Variants in RIOX2 observed in about 807,000 individuals in gnomAD.
RIOX2 encodes 60S ribosomal protein L27a histidine hydroxylase.
In RIOX2, 43 loss-of-function variants were observed where a neutral mutation model predicts 51.2. That is an observed-to-expected ratio of 0.84 (90% CI 0.66 to 1.08). RIOX2 has a LOEUF of 1.08. Ranked by LOEUF, RIOX2 falls within the 50% of genes least tolerant of loss-of-function variation. The pLI is 0.00. For missense variants in RIOX2, 566 were observed against 561.7 expected, an observed-to-expected ratio of 1.01 and a Z score of -0.08; for synonymous variants, 226 against 218.5, an observed-to-expected ratio of 1.03 and a Z score of -0.30.
chr3:97,945,811 T>G lies in RIOX2; in HGVS notation c.1226A>C (p.Glu409Ala). The change falls in exon 9 of 10, where the codon GAG becomes GCG. Residue 409 changes from glutamate (E) to alanine (A), a missense_variant. Glu to Ala is a moderately radical substitution (Grantham distance 107, BLOSUM62 -1). Coordinates refer to ENST00000394198, the MANE Select transcript of RIOX2 (RefSeq NM_153182.4). ...GTTGAAACAAACCTCTGTTTCCTCC[T>G]CATTTCCCATCATGTGTGTCTCTCT... ...NSRETHMMGNEEETEFHGLRF... is the reference protein window; with the variant it reads ...NSRETHMMGNAEETEFHGLRF... 6.2e-7 allele frequency: 1 copy of G among 1,609,858 alleles called. No homozygotes were observed. The highest frequency in any genetic ancestry group is 8.5e-7 in the Non-Finnish European group (1 of 1,176,712).
Position 97,954,384 on chromosome 3 carries a change from G to A in RIOX2, c.785+8C>T, listed in dbSNP as rs1705377670. The A allele has an allele frequency of 1.9e-6, 3 of 1,598,940 alleles. No homozygotes were observed. Among genetic ancestry groups the A allele is most frequent in the Non-Finnish European group, 2.6e-6 (3 of 1,166,398 alleles). On this transcript the variant is annotated splice_region_variant and intron_variant, in intron 5 of 9. Transcript: ENST00000394198. ...TCCTAGCATGTGCAGCTGGGAGGCA[G>A]TGTTTACTTGTTCTGGTAGGTGCTG...
intron 9 of RIOX2, 80 bp from the exon 10 acceptor site, chr3:97,945,422 TC>T: frequency 1.6e-6 from 2 of 1,264,186 alleles, no homozygotes; most frequent in Non-Finnish European, 2.2e-6. Context: ...AAATTTATTC[TC>T]CATACATCAT....
At chr3:97,946,318 C>T (rs58871551) in intron 8 of RIOX2, among the ~76,000 whole-genome samples, 1 of 151,860 alleles carries the variant, frequency 6.6e-6, no homozygotes, top group Non-Finnish European at 1.5e-5. Flanking sequence ...ATCATGAAGT[C>T]ATTAACTCCT....
chr3:97,969,889 T>C (rs938853359), intron 1 of RIOX2, among the ~76,000 whole-genome samples: 1 of 152,216 alleles, frequency 6.6e-6, no homozygotes, highest in African/African-American at 2.4e-5. Flanking sequence ...CGAGTCCTCC[T>C]AGCAAATTGC....
At position 97,942,887 on chromosome 3, in the gene RIOX2, G is replaced by T. The variant is rs189906529; in HGVS notation, c.*2297C>A. On this transcript the variant is annotated 3_prime_UTR_variant, in exon 10 of 10. Transcript: ENST00000394198. The stretch of plus-strand genomic sequence containing the variant: ...TATTCATGGCTGTTGCTTTAATTGG[G>T]TTAGTCACAGTTTTGTTGGTGTAGA... 3.1e-5 allele frequency: 8 copies of T among 255,642 alleles called. No homozygotes were observed. The East Asian group carries it at 8.7e-4, about 28-fold the overall frequency. The allele number at this position is 255,642 out of a possible 1,614,324, so 15.8% of individuals were successfully genotyped here.
Position 97,967,651 on chromosome 3 carries a change from A to G in RIOX2, c.-39-19T>C. 2 of 1,478,034 alleles carry G rather than the reference A, an allele frequency of 1.4e-6. No individual in the cohort carries two copies. Among genetic ancestry groups the G allele is most frequent in the East Asian group, 2.3e-5 (1 of 43,990 alleles). 91.6% of individuals were successfully genotyped at this position (1,478,034 alleles called of 1,614,324 possible). A position where few individuals can be genotyped will look rare whatever the true frequency, so the allele number is the denominator to read the frequency against. On this transcript the variant is annotated intron_variant, in intron 1 of 9. Coordinates refer to ENST00000394198, the MANE Select transcript of RIOX2 (RefSeq NM_153182.4). ...TGCAAACCTACCAAAAGAACAAAAC[A>G]CACATGGTTAGGTTTACAAGGAGTG... is the stretch of plus-strand genomic sequence containing the variant.
chr3:97,942,195 T>C lies in RIOX2; in HGVS notation c.*2989A>G. 2 of 1,161,760 alleles carry C rather than the reference T, an allele frequency of 1.7e-6. No individual in the cohort carries two copies. The highest frequency in any genetic ancestry group is 2.4e-6 in the Non-Finnish European group (2 of 826,176). 72.0% of individuals were successfully genotyped at this position (1,161,760 alleles called of 1,614,324 possible). On this transcript the variant is annotated 3_prime_UTR_variant, in exon 10 of 10. Transcript: ENST00000394198. Reference sequence around the variant, plus strand: ...AAGACACACACACACTTCATGTCTATGACTTGTTTACCTAAGATAAAAGGG... The same window carrying C: ...AAGACACACACACACTTCATGTCTACGACTTGTTTACCTAAGATAAAAGGG...
chr3:97,965,460 C>T (rs924627975), intron 2 of RIOX2, among the ~76,000 whole-genome samples: 5 of 150,410 alleles, frequency 3.3e-5, no homozygotes, highest in African/African-American at 4.9e-5. Context: ...TGCAGTGAGC[C>T]GAGATCGTGC....
At chr3:97,958,625 A>G (rs1705545052) in intron 4 of RIOX2, among the ~76,000 whole-genome samples, 1 of 152,202 alleles carries the variant, frequency 6.6e-6, no homozygotes, top group Non-Finnish European at 1.5e-5. Flanking sequence ...TAGCAACAAC[A>G]ACAAAAAAAA....
At chr3:97,945,566 A>T in intron 9 of RIOX2, 1 of 609,170 alleles carries the variant, frequency 1.6e-6, no homozygotes, top group Non-Finnish European at 2.9e-6. Flanking sequence ...TTTACATTAT[A>T]CCATTCCTAT....
rs373682574 is a variant in RIOX2, at chr3:97,944,834, A to C, written c.*350T>G. The stretch of plus-strand genomic sequence containing the variant: ...TTTTAATTGTTTGAAATTTTTCTAG[A>C]GCCAAAGAAGCTCTTTAAAGAAGTT... On this transcript the variant is annotated 3_prime_UTR_variant, in exon 10 of 10. Transcript: ENST00000394198. 5.0e-4 allele frequency: 83 copies of C among 164,894 alleles called. No homozygotes were observed. Among genetic ancestry groups the C allele is most frequent in the African/African-American group, 1.7e-3 (70 of 42,076 alleles). 10.2% of individuals were successfully genotyped at this position (164,894 alleles called of 1,614,324 possible). A position where few individuals can be genotyped will look rare whatever the true frequency, so the allele number is the denominator to read the frequency against.
At chr3:97,953,318 G>A (rs1349099160) in intron 5 of RIOX2, among the ~76,000 whole-genome samples, 1 of 151,784 alleles carries the variant, frequency 6.6e-6, no homozygotes, top group South Asian at 2.1e-4. Flanking sequence ...TAAAATCCTT[G>A]AATTCCCAGC....
At position 97,945,028 on chromosome 3, in the gene RIOX2, C is replaced by T; in HGVS notation, c.*156G>A. ...TCTTTCTTTCATGTGCCCGTTAGTA[C>T]ATTTGGCCAACTGACCACCTGTAAC... On this transcript the variant is annotated 3_prime_UTR_variant, in exon 10 of 10. Coordinates refer to ENST00000394198, the MANE Select transcript of RIOX2 (RefSeq NM_153182.4). The T allele has an allele frequency of 1.8e-6, 1 of 551,740 alleles. No homozygotes were observed. The highest frequency in any genetic ancestry group is 3.1e-5 in the East Asian group (1 of 32,552). The allele number at this position is 551,740 out of a possible 1,614,324, so 34.2% of individuals were successfully genotyped here.
intron 4 of RIOX2, 79 bp from the exon 5 acceptor site, chr3:97,954,574 T>C (rs1050101302): frequency 5.8e-6 from 7 of 1,202,876 alleles, no homozygotes; most frequent in African/African-American, 4.5e-5. Context: ...GAGATAAATA[T>C]GGGCTTTGAG....
At position 97,967,155 on chromosome 3, in the gene RIOX2, T is replaced by C. The variant is rs1705919498; in HGVS notation, c.432+7A>G. 6.2e-7 allele frequency: 1 copy of C among 1,609,912 alleles called. No homozygotes were observed. The highest frequency in any genetic ancestry group is 1.3e-5 in the African/African-American group (1 of 74,738). Reference sequence around the variant, plus strand: ...TATGAGGATTCTGCAATGGGGAAACTGGTTACCTTAAATCTCTGAGGTTGG... The same window carrying C: ...TATGAGGATTCTGCAATGGGGAAACCGGTTACCTTAAATCTCTGAGGTTGG... On this transcript the variant is annotated splice_region_variant and intron_variant, in intron 2 of 9. Transcript: ENST00000394198.
rs756925423 is a variant in RIOX2, at chr3:97,943,090, T to C, written c.*2094A>G. 1.2e-5 allele frequency: 7 copies of C among 608,060 alleles called. No individual in the cohort carries two copies. The highest frequency in any genetic ancestry group is 2.0e-5 in the Non-Finnish European group (7 of 344,856). The allele number at this position is 608,060 out of a possible 1,614,324, so 37.7% of individuals were successfully genotyped here. A position where few individuals can be genotyped will look rare whatever the true frequency, so the allele number is the denominator to read the frequency against. ...ATGGCTAAGCCTGTTCAAACTCAGCTTCCCATTTCAGACTTCTTTGTAAAT... is the reference window on the plus strand; with the variant it reads ...ATGGCTAAGCCTGTTCAAACTCAGCCTCCCATTTCAGACTTCTTTGTAAAT... On this transcript the variant is annotated 3_prime_UTR_variant, in exon 10 of 10. Transcript: ENST00000394198.
At chr3:97,970,950 C>T (rs750960641) in intron 1 of RIOX2, among the ~76,000 whole-genome samples, 5 of 152,164 alleles carry the variant, frequency 3.3e-5, no homozygotes, top group South Asian at 2.1e-4. Context: ...GAAACAAGCA[C>T]GGTGTGGTAC....
chr3:97,968,255 T>C (rs1705972716), intron 1 of RIOX2, among the ~76,000 whole-genome samples: 1 of 152,138 alleles, frequency 6.6e-6, no homozygotes, highest in South Asian at 2.1e-4. Flanking sequence ...TCTGAGCTTA[T>C]TCCTGAAAAC....
intron 6 of RIOX2, 62 bp from the exon 7 acceptor site, chr3:97,950,077 T>G: frequency 6.4e-7 from 1 of 1,574,446 alleles, no homozygotes; most frequent in Non-Finnish European, 8.7e-7. Context: ...CAGCTCAGTC[T>G]CCACAGTAGA....
Sources: allele counts gnomAD v4.1 joint callset (sites outside exome capture counted in the v4.1 genomes callset), GRCh38; gene constraint gnomAD v4.1.1; transcripts MANE v1.5; gene names NCBI Gene and HGNC (gene_info 2026-07-23, HGNC 2026-07-21).